The following KIF3B variants were observed in gnomAD, a reference collection of about 807,000 sequenced individuals.
KIF3B encodes kinesin-like protein KIF3B.
Under a neutral mutation model 74.3 loss-of-function variants are expected in KIF3B, and 38 were observed. The ratio of observed to expected loss-of-function variants is 0.51; its 90% CI spans 0.39 to 0.67. KIF3B has a LOEUF of 0.67. Ranked by LOEUF, KIF3B falls within the 30% of genes least tolerant of loss-of-function variation. KIF3B has a pLI of 0.00. For missense variants in KIF3B, 649 were observed against 932.0 expected (o/e 0.70, Z 3.95); for synonymous variants, 326 against 342.5 (o/e 0.95, Z 0.53).
intron 1 of KIF3B, among the ~76,000 whole-genome samples, chr20:32,278,348 C>T (rs1364171139): frequency 6.6e-6 from 1 of 152,012 alleles, no homozygotes; most frequent in Non-Finnish European, 1.5e-5. Flanking sequence ...TTCTCTGAGT[C>T]TTCTTTTCCT....
chr20:32,329,067 C>G (rs1383263755), intron 7 of KIF3B, among the ~76,000 whole-genome samples: 1 of 152,134 alleles, frequency 6.6e-6, no homozygotes, highest in Non-Finnish European at 1.5e-5. Flanking sequence ...GCCACGACAC[C>G]CAGCTAGTTT....
chr20:32,285,984 G>T (rs1269234900), intron 1 of KIF3B, among the ~76,000 whole-genome samples: 1 of 152,202 alleles, frequency 6.6e-6, no homozygotes, highest in African/African-American at 2.4e-5. Context: ...CACACAGGAA[G>T]ATCTATCTTT....
intron 1 of KIF3B, among the ~76,000 whole-genome samples, chr20:32,291,107 G>A (rs2047689179): frequency 1.3e-5 from 2 of 152,034 alleles, no homozygotes; most frequent in South Asian, 4.2e-4. Context: ...CTAAGGAGAG[G>A]GGGAAATGGG....
intron 5 of KIF3B, among the ~76,000 whole-genome samples, chr20:32,323,162 A>G (rs2047884313): frequency 8.7e-6 from 1 of 115,012 alleles, no homozygotes; most frequent in African/African-American, 3.3e-5. Flanking sequence ...TTATATTTAT[A>G]TATTTATATT....
intron 7 of KIF3B, 87 bp downstream of exon 7, chr20:32,327,748 C>A: frequency 1.1e-6 from 1 of 871,472 alleles, no homozygotes; most frequent in Non-Finnish European, 1.8e-6. Flanking sequence ...ACTCAGAGTT[C>A]ATACCTTCTT....
chr20:32,307,375 C>A (rs1018277072), intron 1 of KIF3B, among the ~76,000 whole-genome samples: 20 of 152,182 alleles, frequency 1.3e-4, no homozygotes, highest in Non-Finnish European at 2.8e-4. Flanking sequence ...TTACCACCTT[C>A]TTTTTAATAA....
chr20:32,283,258 C>T (rs1295355732), intron 1 of KIF3B, among the ~76,000 whole-genome samples: 2 of 152,114 alleles, frequency 1.3e-5, no homozygotes, highest in South Asian at 2.1e-4. Context: ...GTAATCCCAG[C>T]ACTTTGGGAG....
intron 1 of KIF3B, among the ~76,000 whole-genome samples, chr20:32,286,583 G>A (rs1056979709): frequency 3.3e-5 from 5 of 151,694 alleles, no homozygotes; most frequent in Admixed American, 6.6e-5. Context: ...AATTTTTTCC[G>A]ATTATAAAAA....
chr20:32,288,793 A>G (rs1303790836), intron 1 of KIF3B, among the ~76,000 whole-genome samples: 1 of 151,940 alleles, frequency 6.6e-6, no homozygotes, highest in Non-Finnish European at 1.5e-5. Flanking sequence ...CACTGTATGA[A>G]CTGTGAGAGC....
intron 1 of KIF3B, among the ~76,000 whole-genome samples, chr20:32,304,080 A>AT (rs1003314562): frequency 3.9e-5 from 6 of 152,038 alleles, no homozygotes; most frequent in African/African-American, 1.4e-4. Flanking sequence ...AATTATACCT[A>AT]TTTTTTCAGA....
intron 1 of KIF3B, among the ~76,000 whole-genome samples, chr20:32,300,822 G>T (rs1393520222): frequency 1.3e-5 from 2 of 150,756 alleles, no homozygotes; most frequent in African/African-American, 4.9e-5. Context: ...AGATAGAGAA[G>T]TGGAATTGCT....
chr20:32,325,653 C>CT (rs200570783), intron 5 of KIF3B, among the ~76,000 whole-genome samples: 4,080 of 89,204 alleles, frequency 0.046, 370 homozygotes, highest in East Asian at 0.12. Flanking sequence ...CTCTCTCTCT[C>CT]TCTTTTTTTT....
chr20:32,329,350 CTTTTTTT>C (rs35042287), intron 7 of KIF3B, among the ~76,000 whole-genome samples: 2 of 140,640 alleles, frequency 1.4e-5, no homozygotes, highest in South Asian at 2.3e-4. Flanking sequence ...CCTTTTTTTT[CTTTTTTT>C]TTTTTTTTTT....
At chr20:32,319,586 T>G (rs1444806147) in intron 5 of KIF3B, among the ~76,000 whole-genome samples, 3 of 140,358 alleles carry the variant, frequency 2.1e-5, no homozygotes, top group South Asian at 2.4e-4. Flanking sequence ...GTTTTTGTTT[T>G]TTTTTTTTTT....
intron 5 of KIF3B, among the ~76,000 whole-genome samples, chr20:32,321,439 AAAAG>A (rs1384791801): frequency 1.5e-4 from 23 of 151,826 alleles, no homozygotes; most frequent in Admixed American, 1.4e-3. Context: ...AAAAAAAAAA[AAAAG>A]AAAGTCAGTT....
intron 1 of KIF3B, among the ~76,000 whole-genome samples, chr20:32,301,335 G>C (rs773082292): frequency 6.6e-6 from 1 of 151,826 alleles, no homozygotes; most frequent in African/African-American, 2.4e-5. Flanking sequence ...AAAGTGCTGG[G>C]ATTACAGGTG....
chr20:32,305,193 GT>G lies in KIF3B; in HGVS notation c.-65-4515del, dbSNP rs562551054. On this transcript the variant is annotated intron_variant, in intron 1 of 8. Coordinates refer to ENST00000375712, the MANE Select transcript of KIF3B (RefSeq NM_004798.4). ...AAACCCAAAAAAACATGAATTACAT[GT>G]TTTTAAAAATCCCTGCACTTAGTCA... Among the ~76,000 whole-genome samples the G allele has an allele frequency of 8.6e-5, 13 of 151,820 alleles. No individual in the cohort carries two copies. In the East Asian group the frequency reaches 1.7e-3, roughly 20 times the overall value.
intron 5 of KIF3B, among the ~76,000 whole-genome samples, chr20:32,322,790 TTATA>T (rs1168388598): frequency 1.3e-4 from 8 of 62,532 alleles, no homozygotes; most frequent in Admixed American, 6.4e-4. Flanking sequence ...TTATATATAT[TTATA>T]TATATATTTA....
intron 1 of KIF3B, among the ~76,000 whole-genome samples, chr20:32,281,591 C>T (rs774798687): frequency 2.6e-5 from 4 of 152,174 alleles, no homozygotes; most frequent in Non-Finnish European, 4.4e-5. Context: ...GTGGCACGTG[C>T]CTGTAGTCCC....
Sources: allele counts gnomAD v4.1 joint callset (sites outside exome capture counted in the v4.1 genomes callset), GRCh38; gene constraint gnomAD v4.1.1; transcripts MANE v1.5; gene names NCBI Gene and HGNC (gene_info 2026-07-23, HGNC 2026-07-21).